CAND2: variants seen among roughly 807,000 people sequenced by gnomAD.
CAND2 encodes cullin-associated NEDD8-dissociated protein 2.
In CAND2, 62 loss-of-function variants were observed where a neutral mutation model predicts 98.9. That is an observed-to-expected ratio of 0.63 (90% CI 0.51 to 0.77). CAND2 has a LOEUF of 0.77. CAND2 is among the 30% of genes least tolerant of loss of function. CAND2 has a pLI of 0.00. For missense variants in CAND2, 1,501 were observed against 1,655.2 expected (o/e 0.91, Z 1.62); for synonymous variants, 770 against 731.9 (o/e 1.05, Z -0.84).
rs1459064517 is a variant in CAND2 at position 12,815,712 on chromosome 3, C to T, written c.1300-155C>T. On this transcript the variant is annotated intron_variant, in intron 8 of 14. Coordinates refer to ENST00000456430, the MANE Select transcript of CAND2 (RefSeq NM_001162499.2). The surrounding 1 kb of genome is among the most constrained non-coding windows in gnomAD (Gnocchi z 5.7). ...TCTCCAAGGGTCTGTGTGCGGTCAC[C>T]AAAAGCCTGGCACAGAGTGAGGGAC... is the stretch of plus-strand genomic sequence containing the variant. Among the ~76,000 whole-genome samples, 4 of 152,144 alleles carry T rather than the reference C, an allele frequency of 2.6e-5. No individual in the cohort carries two copies. The East Asian group carries it at 7.7e-4, about 29-fold the overall frequency.
chr3:12,808,087 G>A, intron 3 of CAND2, 123 bp from the exon 4 acceptor site: 1 of 1,277,738 alleles, frequency 7.8e-7, no homozygotes, highest in Non-Finnish European at 1.1e-6. Context: ...GACCTCTGGA[G>A]CCCTGGTAAG....
chr3:12,834,623 C>T lies in CAND2; in HGVS notation c.*641C>T, dbSNP rs115599260. 1.5e-3 allele frequency: 228 copies of T among 152,584 alleles called. No individual in the cohort carries two copies. Among genetic ancestry groups the T allele is most frequent in the Non-Finnish European group, 2.1e-3 (141 of 68,262 alleles). The allele number at this position is 152,584 out of a possible 1,614,324, so 9.5% of individuals were successfully genotyped here. ...TTTCTAATTTCAAAATACTTATTAG[C>T]AAATTGGGCAACAATGGGCATCTTC... On this transcript the variant is annotated 3_prime_UTR_variant, in exon 15 of 15. Transcript: ENST00000456430.
Position 12,817,697 on chromosome 3 carries a change from TG to T in CAND2, c.2770del (p.Ala924ProfsTer7). The T allele has an allele frequency of 1.3e-6, 2 of 1,599,716 alleles. No individual in the cohort carries two copies. Among genetic ancestry groups the T allele is most frequent in the Non-Finnish European group, 8.5e-7 (1 of 1,172,552 alleles). The part of the protein sequence containing the change: ...YLLLHSLREA[L>X]GAAQPDSLKP... ...CTGCTGCACTCACTCAGGGAGGCCC[TG>T]GGGGCCGCCCAGCCTGACAGCCTGA... On this transcript the variant is annotated frameshift_variant, in exon 10 of 15. Coordinates refer to ENST00000456430, the MANE Select transcript of CAND2 (RefSeq NM_001162499.2). LOFTEE classifies it high-confidence loss of function.
At chr3:12,828,499 A>G (rs1277157287) in intron 13 of CAND2, among the ~76,000 whole-genome samples, 1 of 151,778 alleles carries the variant, frequency 6.6e-6, no homozygotes, top group African/African-American at 2.4e-5. Context: ...CACCACACTC[A>G]GCTAAATTTT....
intron 5 of CAND2, among the ~76,000 whole-genome samples, chr3:12,811,119 G>A (rs749062058): frequency 4.7e-5 from 7 of 148,754 alleles, no homozygotes; most frequent in African/African-American, 1.8e-4. Context: ...GCACACGGCG[G>A]GGGGTGGGGG....
rs1425442479 is a variant in CAND2 at position 12,803,509 on chromosome 3, G to A, written c.90G>A (p.Leu30=). 6.2e-7 allele frequency: 1 copy of A among 1,612,446 alleles called. No homozygotes were observed. The highest frequency in any genetic ancestry group is 8.5e-7 in the Non-Finnish European group (1 of 1,179,126). The change falls in exon 2 of 15, where the codon CTG becomes CTA. Residue 30 remains leucine (L), a synonymous_variant. Transcript: ENST00000456430. ...GCAGGTTCATGGCCACCAGCGACCT[G>A]ATGTCGGAGTTGCAGAAGGACTCCA... ...KDFRFMATSD[L]MSELQKDSIQ...
chr3:12,826,881 A>G (rs1369647674), intron 12 of CAND2, among the ~76,000 whole-genome samples: 3 of 141,764 alleles, frequency 2.1e-5, no homozygotes, highest in Non-Finnish European at 4.5e-5. Context: ...CCCAGGCTGG[A>G]GTGCAGTGGC....
chr3:12,833,494 G>C (rs1056396127), intron 14 of CAND2, among the ~76,000 whole-genome samples: 1 of 152,182 alleles, frequency 6.6e-6, no homozygotes, highest in Non-Finnish European at 1.5e-5. Context: ...GAGCACTTCA[G>C]ATTGGCTGCT....
At chr3:12,828,505 A>AT (rs1319223307) in intron 13 of CAND2, among the ~76,000 whole-genome samples, 1 of 151,350 alleles carries the variant, frequency 6.6e-6, no homozygotes, top group Non-Finnish European at 1.5e-5. Context: ...ACTCAGCTAA[A>AT]TTTTTTTTGT....
intron 5 of CAND2, 51 bp downstream of exon 5, chr3:12,810,375 G>A: frequency 7.2e-7 from 1 of 1,379,748 alleles, no homozygotes; most frequent in Non-Finnish European, 9.3e-7. Flanking sequence ...CGGAGCTTAG[G>A]GTGAGCCAAT....
chr3:12,829,353 G>T (rs1334269602), intron 13 of CAND2, among the ~76,000 whole-genome samples: 2 of 152,088 alleles, frequency 1.3e-5, no homozygotes, highest in African/African-American at 4.8e-5. Context: ...CGCCATGTTG[G>T]CTAGGCTGGT....
At chr3:12,807,019 C>T (rs535064560) in intron 2 of CAND2, 7 of 310,500 alleles carry the variant, frequency 2.3e-5, no homozygotes, top group Admixed American at 9.4e-5. Context: ...AACAAGCCCG[C>T]CAGGGGATTC....
At chr3:12,825,042 C>T (rs1306940133) in intron 11 of CAND2, among the ~76,000 whole-genome samples, 1 of 152,186 alleles carries the variant, frequency 6.6e-6, no homozygotes, top group African/African-American at 2.4e-5. Flanking sequence ...AGTTCACATT[C>T]ACAGAGTCCG....
chr3:12,807,350 C>G lies in CAND2; in HGVS notation c.257C>G (p.Thr86Ser), dbSNP rs1037053276. Residue 86 changes from threonine to serine, a missense_variant, in exon 3 of 15, where the codon ACC (threonine) becomes AGC (serine). This residue lies in a region of CAND2 where 1,427 missense variants were observed against 1,545.3 expected (regional missense o/e 0.92). Transcript: ENST00000456430. ...VVKVKEYQVE[T>S]IVDTLCTNMR... Reference sequence around the variant, plus strand: ...AAAGTGAAGGAGTACCAGGTGGAGACCATTGTGGACACCCTGTGCACCAAC... The same window carrying G: ...AAAGTGAAGGAGTACCAGGTGGAGAGCATTGTGGACACCCTGTGCACCAAC... The G allele has an allele frequency of 9.0e-6, 14 of 1,551,564 alleles. 1 individual carries two copies. The African/African-American group carries it at 1.6e-4, about 18-fold the overall frequency.
At position 12,833,761 on chromosome 3, in the gene CAND2, G is replaced by C. The variant is rs1360414781; in HGVS notation, c.3490G>C (p.Ala1164Pro). The stretch of plus-strand genomic sequence containing the variant: ...CTGCTGTTTCCTACTTTAGGTCAAA[G>C]CTGGTTCTGTGAAGCAGGAGTTTGA... ...LRATCTAKVK[A>P]GSVKQEFEKQ... The change falls in exon 15 of 15, where the codon GCT becomes CCT. Residue 1164 changes from alanine to proline, a missense_variant. Transcript: ENST00000456430. 2 of 1,613,744 alleles carry C rather than the reference G, an allele frequency of 1.2e-6. No homozygotes were observed. Among genetic ancestry groups the C allele is most frequent in the Non-Finnish European group, 1.7e-6 (2 of 1,179,644 alleles).
At chr3:12,824,737 G>A (rs1314913280) in intron 11 of CAND2, among the ~76,000 whole-genome samples, 2 of 152,036 alleles carry the variant, frequency 1.3e-5, no homozygotes, top group Non-Finnish European at 2.9e-5. Flanking sequence ...GTGAAACCCC[G>A]TCTCTACTAA....
rs1347306902 is a variant in CAND2, at chr3:12,803,620, G to T, written c.201G>T (p.Leu67=). The T allele has an allele frequency of 6.2e-7, 1 of 1,607,934 alleles. No homozygotes were observed. The highest frequency in any genetic ancestry group is 1.1e-5 in the South Asian group (1 of 90,232). The part of the protein sequence containing the change: ...LEDKNGEVQN[L]AVKCLGPLVV... ...ACAAGAACGGTGAGGTGCAGAACCTGGCTGTCAAGTGGTGAGTGTCAGCCT... is the reference window on the plus strand; with the variant it reads ...ACAAGAACGGTGAGGTGCAGAACCTTGCTGTCAAGTGGTGAGTGTCAGCCT... The change falls in exon 2 of 15, where the codon CTG becomes CTT. Residue 67 remains leucine (L), a synonymous_variant. Coordinates refer to ENST00000456430, the MANE Select transcript of CAND2 (RefSeq NM_001162499.2).
chr3:12,826,163 A>G lies in CAND2; in HGVS notation c.3210+524A>G, dbSNP rs147860330. Among the ~76,000 whole-genome samples the G allele has an allele frequency of 2.4e-3, 365 of 152,334 alleles. 1 individual carries two copies. Among genetic ancestry groups the G allele is most frequent in the African/African-American group, 8.3e-3 (343 of 41,570 alleles). On this transcript the variant is annotated intron_variant, in intron 12 of 14. Coordinates refer to ENST00000456430, the MANE Select transcript of CAND2 (RefSeq NM_001162499.2). ...TAGCGTTCAGCAGGCTCCTCACCTT[A>G]TGATGGGATTGCTTCTGGAAGCCAA...
At chr3:12,817,994 T>C in intron 10 of CAND2, 118 bp downstream of exon 10, 2 of 949,604 alleles carry the variant, frequency 2.1e-6, no homozygotes, top group Non-Finnish European at 3.0e-6. Context: ...AGAATCACGG[T>C]ATCTATACGA....
Sources: gnomAD v4.1 joint callset for allele counts (sites outside exome capture counted in the v4.1 genomes callset) on GRCh38, gnomAD v4.1.1 for gene constraint, gnomAD v4.1.1 regional missense constraint, Gnocchi (gnomAD v3.1) non-coding constraint, MANE v1.5 for transcripts, NCBI Gene and HGNC (gene_info 2026-07-23, HGNC 2026-07-21) for gene names.